The following TECPR2 variants were observed in gnomAD, a reference collection of about 807,000 sequenced individuals.
The protein encoded by TECPR2 is tectonin beta-propeller repeat-containing protein 2.
In TECPR2, 65 loss-of-function variants were observed where a neutral mutation model predicts 138.1. The observed-to-expected ratio is 0.47, with a 90% CI of 0.39 to 0.58. The LOEUF (loss-of-function observed/expected upper bound fraction) is 0.58, where lower values mean the gene tolerates loss of function less well. Among genes scored for constraint, TECPR2 ranks in the 20% least tolerant of loss-of-function variants. TECPR2 has a pLI of 0.00. For synonymous variants in TECPR2, 746 were observed against 749.8 expected (o/e 0.99, Z 0.08); for missense variants, 1,553 against 1,824.5 (o/e 0.85, Z 2.71).
At chr14:102,374,071 CA>C (rs953998203) in intron 1 of TECPR2, among the ~76,000 whole-genome samples, 1,990 of 56,062 alleles carry the variant, frequency 0.035, 27 homozygotes, top group African/African-American at 0.1. Context: ...GATTCTGTCT[CA>C]AAAAAAAAAA....
intron 7 of TECPR2, 38 bp from the exon 8 acceptor site, chr14:102,431,758 T>G: frequency 2.6e-6 from 4 of 1,513,804 alleles, no homozygotes; most frequent in Non-Finnish European, 3.5e-6. Context: ...AGCTCTCTCT[T>G]GGATCACCAG....
Position 102,443,789 on chromosome 14 carries a change from C to G in TECPR2, c.2895C>G (p.Phe965Leu), listed in dbSNP as rs1889898466. ...ALLYREGVSS[F>L]CPEGEQWKCD... ...TGTACCGGGAGGGCGTGAGCAGCTT[C>G]TGTCCGGAAGGCGAGCAGTGGAAGT... The change falls in exon 12 of 20, where the codon TTC becomes TTG. Residue 965 changes from phenylalanine to leucine, a missense_variant. Coordinates refer to ENST00000359520, the MANE Select transcript of TECPR2 (RefSeq NM_014844.5). This position sits in a 1 kb window ranked among gnomAD's most constrained non-coding sequence, Gnocchi z 4.9. 1.9e-6 allele frequency: 3 copies of G among 1,602,934 alleles called. No individual in the cohort carries two copies. The highest frequency in any genetic ancestry group is 2.6e-6 in the Non-Finnish European group (3 of 1,172,226).
chr14:102,381,768 G>T (rs1887827656), intron 2 of TECPR2, among the ~76,000 whole-genome samples: 1 of 152,198 alleles, frequency 6.6e-6, no homozygotes, highest in Admixed American at 6.5e-5. Context: ...CATCAAGAAT[G>T]AAGAATGGTA....
In TECPR2 at chr14:102,406,169, T is replaced by G. The variant is rs144631492; in HGVS notation, c.220-1169T>G. Among the ~76,000 whole-genome samples the G allele has an allele frequency of 1.1e-3, 166 of 152,300 alleles. 1 individual carries two copies. Among genetic ancestry groups the G allele is most frequent in the Non-Finnish European group, 1.8e-3 (122 of 68,028 alleles). ...GATAATGGTGATGATTGAAGAGCAT[T>G]ATGAATGTATTGAATACCACTGAAA... On this transcript the variant is annotated intron_variant, in intron 2 of 19. Coordinates refer to ENST00000359520, the MANE Select transcript of TECPR2 (RefSeq NM_014844.5).
At chr14:102,363,619 A>AT (rs897263298) in intron 1 of TECPR2, among the ~76,000 whole-genome samples, 14 of 152,188 alleles carry the variant, frequency 9.2e-5, no homozygotes, top group African/African-American at 2.9e-4. Flanking sequence ...TCCCAATCCT[A>AT]TTTGAAGGCA....
At chr14:102,408,809 G>A (rs1888736294) in intron 4 of TECPR2, among the ~76,000 whole-genome samples, 190 bp downstream of exon 4, 1 of 152,120 alleles carries the variant, frequency 6.6e-6, no homozygotes, top group Non-Finnish European at 1.5e-5. Context: ...TAAGGAGTTG[G>A]CCTACTGGAA....
In TECPR2 at chr14:102,367,267, T is replaced by C. The variant is rs547815312; in HGVS notation, c.-73+4151T>C. ...GGGGGGTAACAGCTTTATTGAGATA[T>C]AATTTACATGCCACACAGTTCACCC... On this transcript the variant is annotated intron_variant, in intron 1 of 19. Coordinates refer to ENST00000359520, the MANE Select transcript of TECPR2 (RefSeq NM_014844.5). Among the ~76,000 whole-genome samples the C allele has an allele frequency of 3.2e-3, 488 of 152,330 alleles. 4 individuals are homozygous for C. Among genetic ancestry groups the C allele is most frequent in the African/African-American group, 0.011 (475 of 41,580 alleles).
Position 102,362,947 on chromosome 14 carries a change from G to A in TECPR2, c.-242G>A. The A allele has an allele frequency of 6.6e-7, 1 of 1,511,680 alleles. No individual in the cohort carries two copies. The highest frequency in any genetic ancestry group is 9.1e-7 in the Non-Finnish European group (1 of 1,103,574). The allele number at this position is 1,511,680 out of a possible 1,614,324, so 93.6% of individuals were successfully genotyped here. A position where few individuals can be genotyped will look rare whatever the true frequency, so the allele number is the denominator to read the frequency against. Reference sequence around the variant, plus strand: ...GTCCGCCCCGCCCGCTGCCACTTGTGGCTCTGCCGCTCTAGCCCCCGGCGG... The same window carrying A: ...GTCCGCCCCGCCCGCTGCCACTTGTAGCTCTGCCGCTCTAGCCCCCGGCGG... On this transcript the variant is annotated 5_prime_UTR_variant, in exon 1 of 20. Coordinates refer to ENST00000359520, the MANE Select transcript of TECPR2 (RefSeq NM_014844.5).
intron 12 of TECPR2, among the ~76,000 whole-genome samples, chr14:102,445,002 G>T (rs1021513087): frequency 1.3e-5 from 2 of 152,204 alleles, no homozygotes; most frequent in African/African-American, 2.4e-5. Context: ...GGTGCTAGGG[G>T]CTGGGTGCGC....
At chr14:102,478,556 C>CT (rs1181825985) in intron 17 of TECPR2, among the ~76,000 whole-genome samples, 1 of 151,566 alleles carries the variant, frequency 6.6e-6, no homozygotes, top group Non-Finnish European at 1.5e-5. Flanking sequence ...TGGCATGTGC[C>CT]TGTAGTTCCA....
intron 2 of TECPR2, among the ~76,000 whole-genome samples, chr14:102,383,404 TG>T (rs1278283210): frequency 6.6e-6 from 1 of 151,624 alleles, no homozygotes; most frequent in African/African-American, 2.4e-5. Context: ...TTGTCTTTTT[TG>T]TTTTTTTTGT....
In TECPR2 at chr14:102,484,422, TG is replaced by T. The variant is rs1890974698; in HGVS notation, c.3790-12555del. 1.3e-5 allele frequency among the ~76,000 whole-genome samples: 2 copies of T among 152,302 alleles called. 1 individual carries two copies. Among genetic ancestry groups the T allele is most frequent in the Middle Eastern group, 6.8e-3 (2 of 294 alleles). On this transcript the variant is annotated intron_variant, in intron 17 of 19. Transcript: ENST00000359520. ...CATGGCAGAGGCTTTCTTCAGATGTTGGCAGTCCCCTGGTTGGAAGAGTGAG... is the reference window on the plus strand; with the variant it reads ...CATGGCAGAGGCTTTCTTCAGATGTTGCAGTCCCCTGGTTGGAAGAGTGAG...
intron 17 of TECPR2, among the ~76,000 whole-genome samples, chr14:102,475,330 G>C (rs1185533695): frequency 6.6e-6 from 1 of 152,192 alleles, no homozygotes; most frequent in Non-Finnish European, 1.5e-5. Flanking sequence ...TGGGAGACTG[G>C]CACAGGCCGG....
rs904930160 is a variant in TECPR2, at chr14:102,438,148, G to A, written c.2521G>A (p.Gly841Arg). The change falls in exon 10 of 20, where the codon GGG (glycine) becomes AGG (arginine). Residue 841 changes from glycine (G) to arginine (R), a missense_variant. By Grantham distance (125) the Gly-to-Arg change is moderately radical. Transcript: ENST00000359520. ...GTTCTGCAGCGCGTTGCCGGGCGCC[G>A]GGCTGCGCTGGCAGAAGTTTGAAGA... ...GLFCSALPGAGLRWQKFEDAV... is the reference protein window; with the variant it reads ...GLFCSALPGARLRWQKFEDAV... 18 of 1,613,334 alleles carry A rather than the reference G, an allele frequency of 1.1e-5. No homozygotes were observed. Among genetic ancestry groups the A allele is most frequent in the East Asian group, 2.2e-5 (1 of 44,884 alleles).
intron 13 of TECPR2, among the ~76,000 whole-genome samples, chr14:102,448,526 C>T (rs142858607): frequency 2.0e-4 from 30 of 152,252 alleles, no homozygotes; most frequent in Non-Finnish European, 2.2e-4. Context: ...CTAGTTGATG[C>T]TCTTGCCCTG....
chr14:102,414,786 A>G lies in TECPR2; in HGVS notation c.631A>G (p.Arg211Gly), dbSNP rs569942689. 3 of 1,614,120 alleles carry G rather than the reference A, an allele frequency of 1.9e-6. No homozygotes were observed. In the South Asian group the frequency reaches 3.3e-5, roughly 18 times the overall value. Residue 211 changes from arginine (R) to glycine (G), a missense_variant, in exon 5 of 20, where the codon AGG becomes GGG. Transcript: ENST00000359520. ...KSVRQIGTQP[R>G]KSTGKFGACF... ...TGTAAGGCAAATTGGAACACAACCA[A>G]GGAAAAGGTAAGTTTCACAAGTTTG...
chr14:102,370,760 CGGGCAGATGAGCT>C (rs1182801739), intron 1 of TECPR2, among the ~76,000 whole-genome samples: 1 of 152,124 alleles, frequency 6.6e-6, no homozygotes, highest in Non-Finnish European at 1.5e-5. Flanking sequence ...GAGGGAGAGG[CGGGCAGATGAGCT>C]GGGCACCAGA....
At chr14:102,471,902 C>CT (rs1262528277) in intron 17 of TECPR2, among the ~76,000 whole-genome samples, 1 of 152,100 alleles carries the variant, frequency 6.6e-6, no homozygotes, top group Non-Finnish European at 1.5e-5. Context: ...GTGCACAGTG[C>CT]TTTGCTTGAT....
intron 5 of TECPR2, among the ~76,000 whole-genome samples, chr14:102,421,928 T>C (rs1889194661): frequency 6.6e-6 from 1 of 152,098 alleles, no homozygotes; most frequent in South Asian, 2.1e-4. Context: ...TGAGAAGTAT[T>C]TGGGAGAAGG....
Sources: allele counts gnomAD v4.1 joint callset (sites outside exome capture counted in the v4.1 genomes callset), GRCh38; gene constraint gnomAD v4.1.1; non-coding constraint Gnocchi (gnomAD v3.1); transcripts MANE v1.5; gene names NCBI Gene and HGNC (gene_info 2026-07-23, HGNC 2026-07-21).